The following RECK variants were observed in gnomAD, a reference collection of about 807,000 sequenced individuals.
RECK encodes reversion inducing cysteine rich protein with kazal motifs.
In RECK, 69 loss-of-function variants were observed where a neutral mutation model predicts 115.1. The ratio of observed to expected loss-of-function variants is 0.60; its 90% confidence interval spans 0.49 to 0.73. The LOEUF is 0.73. Among genes scored for constraint, RECK ranks in the 30% least tolerant of loss-of-function variants. The pLI, the probability that RECK is intolerant of heterozygous loss-of-function variation, is 0.00. For missense variants in RECK, 1,047 were observed against 1,203.7 expected (o/e 0.87, Z 1.93); for synonymous variants, 414 against 419.7 (o/e 0.99, Z 0.17).
intron 2 of RECK, among the ~76,000 whole-genome samples, chr9:36,052,727 T>A (rs1477298521): frequency 6.6e-6 from 1 of 152,132 alleles, no homozygotes; most frequent in African/African-American, 2.4e-5. Context: ...CCTGTACTCT[T>A]TAAAAATGTC....
intron 6 of RECK, among the ~76,000 whole-genome samples, chr9:36,078,996 A>G (rs1822574371): frequency 6.6e-6 from 1 of 152,058 alleles, no homozygotes; most frequent in South Asian, 2.1e-4. Context: ...CCCAGGTTCA[A>G]GTGATTCTCT....
rs562144961 is a variant in RECK at position 36,046,312 on chromosome 9, A to G, written c.101-5953A>G. Among the ~76,000 whole-genome samples, 17 of 152,324 alleles carry G rather than the reference A, an allele frequency of 1.1e-4. 1 individual carries two copies. Among genetic ancestry groups the G allele is most frequent in the Admixed American group, 3.3e-4 (5 of 15,290 alleles). On this transcript the variant is annotated intron_variant, in intron 1 of 20. Coordinates refer to ENST00000377966, the MANE Select transcript of RECK (RefSeq NM_021111.3). ...AATTAATCCCTTTTAGTTGCTCTGAAAAAGATAAAGACCCTTAAATGCCAC... is the reference window on the plus strand; with the variant it reads ...AATTAATCCCTTTTAGTTGCTCTGAGAAAGATAAAGACCCTTAAATGCCAC...
intron 19 of RECK, 54 bp downstream of exon 19, chr9:36,120,790 T>A: frequency 8.5e-7 from 1 of 1,179,082 alleles, no homozygotes. Context: ...AGCCTCTCAG[T>A]AATCCTAGAG....
chr9:36,112,122 C>CAAAAAAAAAAA (rs58460262), intron 15 of RECK, among the ~76,000 whole-genome samples, 183 bp from the exon 16 acceptor site: 1 of 71,648 alleles, frequency 1.4e-5, no homozygotes, highest in Admixed American at 1.9e-4. Flanking sequence ...GACTCCATCT[C>CAAAAAAAAAAA]AAAAAAAAAA....
At chr9:36,116,327 C>A (rs1824263597) in intron 16 of RECK, among the ~76,000 whole-genome samples, 1 of 152,074 alleles carries the variant, frequency 6.6e-6, no homozygotes, top group Admixed American at 6.5e-5. Context: ...GGGGTTTCTC[C>A]ATGTTGGTCA....
intron 2 of RECK, among the ~76,000 whole-genome samples, chr9:36,057,495 C>T (rs1821576905): frequency 6.6e-6 from 1 of 152,134 alleles, no homozygotes. Flanking sequence ...GTTACCTCAG[C>T]TTAACTTAGA....
chr9:36,117,099 C>T lies in RECK; in HGVS notation c.2175C>T (p.Asp725=). The change falls in exon 17 of 21, where the codon GAC becomes GAT. Residue 725 remains aspartate (D), a synonymous_variant. Coordinates refer to ENST00000377966, the MANE Select transcript of RECK (RefSeq NM_021111.3). The part of the protein sequence containing the change: ...ACDQVQDPVC[D]TDHMEHNNLC... The stretch of plus-strand genomic sequence containing the variant: ...ACCAGGTCCAAGATCCTGTTTGTGA[C>T]ACAGACCACATGGAGCACAACAATC... 1 of 1,614,164 alleles carries T rather than the reference C, an allele frequency of 6.2e-7. No homozygotes were observed. The highest frequency in any genetic ancestry group is 1.6e-4 in the Middle Eastern group (1 of 6,062).
At chr9:36,095,571 G>T (rs1476692780) in intron 10 of RECK, among the ~76,000 whole-genome samples, 1 of 152,134 alleles carries the variant, frequency 6.6e-6, no homozygotes, top group Non-Finnish European at 1.5e-5. Context: ...CTCAATAAAA[G>T]ATTAGGAAAT....
chr9:36,037,028 T>C lies in RECK; in HGVS notation c.30T>C (p.Gly10=). The C allele has an allele frequency of 1.4e-6, 2 of 1,419,408 alleles. No homozygotes were observed. The highest frequency in any genetic ancestry group is 1.8e-6 in the Non-Finnish European group (2 of 1,082,904). The allele number at this position is 1,419,408 out of a possible 1,614,324, so 87.9% of individuals were successfully genotyped here. Residue 10 remains glycine (G), a synonymous_variant, in exon 1 of 21, where the codon GGT becomes GGC. Coordinates refer to ENST00000377966, the MANE Select transcript of RECK (RefSeq NM_021111.3). The stretch of plus-strand genomic sequence containing the variant: ...CGACCGTCCGGGCCTCTCTGCGAGG[T>C]GCGCTGCTCCTTCTGCTGGCCGTGG... The part of the protein sequence containing the change: MATVRASLR[G]ALLLLLAVAG...
At chr9:36,113,561 G>T (rs929488133) in intron 16 of RECK, among the ~76,000 whole-genome samples, 1 of 152,160 alleles carries the variant, frequency 6.6e-6, no homozygotes, top group Middle Eastern at 3.2e-3. Context: ...GAATGAGGTT[G>T]TCTTGCTTTT....
chr9:36,056,262 T>C (rs1199582032), intron 2 of RECK, among the ~76,000 whole-genome samples: 11 of 152,110 alleles, frequency 7.2e-5, no homozygotes, highest in African/African-American at 2.4e-4. Flanking sequence ...ATAACCACAA[T>C]ACTGTTATTA....
At chr9:36,104,205 CT>C (rs201469834) in intron 12 of RECK, among the ~76,000 whole-genome samples, 1,616 of 147,448 alleles carry the variant, frequency 0.011, 36 homozygotes, top group African/African-American at 0.039. Context: ...TTTTTATCCC[CT>C]GACACTACTT....
chr9:36,037,771 TAGG>T (rs1820725468), intron 1 of RECK, among the ~76,000 whole-genome samples: 1 of 151,840 alleles, frequency 6.6e-6, no homozygotes, highest in African/African-American at 2.4e-5. Context: ...GCTCTCTCGG[TAGG>T]AGATGGGGTA....
At chr9:36,108,295 A>T in intron 14 of RECK, 131 bp downstream of exon 14, 1 of 619,234 alleles carries the variant, frequency 1.6e-6, no homozygotes, top group Non-Finnish European at 2.7e-6. Context: ...TATTTTTCAA[A>T]CTATACAGAG....
Position 36,066,791 on chromosome 9 carries a change from T to C in RECK, c.405+1167T>C, listed in dbSNP as rs1035201356. ...TAGCCTGTCCTCCGTTATTTTAGTG[T>C]GCTTCCTTCTCTTGTCTGGATTTCT... On this transcript the variant is annotated intron_variant, in intron 6 of 20. Transcript: ENST00000377966. The C allele has an allele frequency of 5.5e-5, 71 of 1,288,598 alleles. 1 individual carries two copies. The highest frequency in any genetic ancestry group is 2.1e-4 in the Middle Eastern group (1 of 4,692). The allele number at this position is 1,288,598 out of a possible 1,614,324, so 79.8% of individuals were successfully genotyped here.
Position 36,077,730 on chromosome 9 carries a change from T to C in RECK, c.406-2875T>C, listed in dbSNP as rs1588301542. Among the ~76,000 whole-genome samples the C allele has an allele frequency of 4.6e-5, 7 of 152,282 alleles. No individual in the cohort carries two copies. The South Asian group carries it at 1.2e-3, about 27-fold the overall frequency. ...AATGAACATCAAGAGAAATAAGAGA[T>C]GCTTGAAGAACATCTCTGAACTCTG... On this transcript the variant is annotated intron_variant, in intron 6 of 20. Transcript: ENST00000377966.
chr9:36,049,566 T>G (rs1303235547), intron 1 of RECK, among the ~76,000 whole-genome samples: 1 of 152,168 alleles, frequency 6.6e-6, no homozygotes, highest in Non-Finnish European at 1.5e-5. Context: ...CATTCAAAGC[T>G]GGGCCTGGGC....
chr9:36,118,834 T>A lies in RECK; in HGVS notation c.2331T>A (p.Asp777Glu). The A allele has an allele frequency of 6.2e-7, 1 of 1,614,146 alleles. No individual in the cohort carries two copies. Among genetic ancestry groups the A allele is most frequent in the Non-Finnish European group, 8.5e-7 (1 of 1,180,028 alleles). Residue 777 changes from aspartate (D) to glutamate (E), a missense_variant, in exon 18 of 21, where the codon GAT becomes GAA. Asp to Glu is a conservative substitution (Grantham distance 45). Transcript: ENST00000377966. ...GCAGTGTGTGTGCTGCCTACTCGGA[T>A]CGCGTGGCAGTCGATTACTATGGGG... ...TYSSVCAAYS[D>E]RVAVDYYGDC...
At chr9:36,114,987 G>T (rs1824203676) in intron 16 of RECK, among the ~76,000 whole-genome samples, 1 of 152,102 alleles carries the variant, frequency 6.6e-6, no homozygotes, top group Non-Finnish European at 1.5e-5. Flanking sequence ...TACTTTTTCA[G>T]TTTCACCATG....
Sources: gnomAD v4.1 joint callset for allele counts (sites outside exome capture counted in the v4.1 genomes callset) on GRCh38, gnomAD v4.1.1 for gene constraint, MANE v1.5 for transcripts, NCBI Gene and HGNC (gene_info 2026-07-23, HGNC 2026-07-21) for gene names.